FANCL: variants seen among roughly 807,000 people sequenced by gnomAD.
FANCL encodes E3 ubiquitin-protein ligase FANCL.
FANCL carries 69 observed loss-of-function variants against 59.4 expected under a neutral mutation model. The ratio of observed to expected loss-of-function variants is 1.16; its 90% CI spans 0.96 to 1.42. The LOEUF is 1.42. Ranked by LOEUF, FANCL falls within the 40% of genes most tolerant of loss-of-function variation. The pLI is 0.00. For synonymous variants in FANCL, 180 were observed against 147.1 expected (o/e 1.22, Z -1.62); for missense variants, 519 against 447.2 (o/e 1.16, Z -1.45).
intron 7 of FANCL, among the ~76,000 whole-genome samples, chr2:58,176,074 G>A (rs1486450210): frequency 1.3e-5 from 2 of 151,720 alleles, no homozygotes; most frequent in African/African-American, 4.8e-5. Context: ...ACTTACAAGG[G>A]ATGTGAAGGA....
chr2:58,218,426 C>T (rs1012964081), intron 5 of FANCL, among the ~76,000 whole-genome samples: 5 of 151,486 alleles, frequency 3.3e-5, no homozygotes, highest in Admixed American at 1.3e-4. Context: ...TAAAAAGGCA[C>T]AAAAAACTCA....
intron 7 of FANCL, among the ~76,000 whole-genome samples, chr2:58,176,969 A>C (rs1259574309): frequency 2.0e-5 from 3 of 152,198 alleles, no homozygotes; most frequent in Admixed American, 6.5e-5. Flanking sequence ...AAGTGGGCAA[A>C]GGACATGAAC....
chr2:58,197,706 A>T (rs1449573778), intron 7 of FANCL, among the ~76,000 whole-genome samples: 1 of 152,234 alleles, frequency 6.6e-6, no homozygotes, highest in Non-Finnish European at 1.5e-5. Context: ...CAAAATATTG[A>T]ATGTTCTAAA....
chr2:58,202,165 T>C (rs1010567462), intron 6 of FANCL, among the ~76,000 whole-genome samples: 4 of 150,804 alleles, frequency 2.7e-5, no homozygotes, highest in Non-Finnish European at 5.9e-5. Context: ...GTTTTTGTTG[T>C]TGTAAATTAC....
chr2:58,236,503 A>C (rs1409232230), intron 1 of FANCL, among the ~76,000 whole-genome samples: 1 of 151,830 alleles, frequency 6.6e-6, no homozygotes, highest in East Asian at 1.9e-4. Context: ...ATAAACTGGC[A>C]AAGGAGATAA....
At chr2:58,167,903 T>A (rs1453728109) in intron 7 of FANCL, among the ~76,000 whole-genome samples, 1 of 152,302 alleles carries the variant, frequency 6.6e-6, no homozygotes, top group South Asian at 2.1e-4. Flanking sequence ...ATGCGATTAA[T>A]AGTTTTTTCT....
chr2:58,178,178 C>A (rs1379143109), intron 7 of FANCL, among the ~76,000 whole-genome samples: 1 of 152,146 alleles, frequency 6.6e-6, no homozygotes, highest in Non-Finnish European at 1.5e-5. Flanking sequence ...AGAGCTGGTA[C>A]CATTCCTTCT....
At chr2:58,226,921 G>A in intron 3 of FANCL, 137 bp from the exon 4 acceptor site, 1 of 728,664 alleles carries the variant, frequency 1.4e-6, no homozygotes, top group African/African-American at 1.8e-5. Context: ...AAGAAATGAA[G>A]TATCGGTCAT....
At chr2:58,163,137 TTTGA>T (rs1245314554) in intron 9 of FANCL, 63 bp from the exon 10 acceptor site, 2 of 1,380,830 alleles carry the variant, frequency 1.4e-6, no homozygotes, top group African/African-American at 2.9e-5. Flanking sequence ...TAAAGCCACA[TTTGA>T]TACAGAATGT....
chr2:58,218,339 T>C (rs990400884), intron 5 of FANCL, among the ~76,000 whole-genome samples: 1 of 151,572 alleles, frequency 6.6e-6, no homozygotes, highest in Non-Finnish European at 1.5e-5. Context: ...ACAGAGAAAA[T>C]TAACAACGCT....
chr2:58,201,630 G>A (rs975198210), intron 6 of FANCL, among the ~76,000 whole-genome samples: 5 of 151,904 alleles, frequency 3.3e-5, no homozygotes, highest in African/African-American at 1.2e-4. Flanking sequence ...GGAAGCCCTG[G>A]GCTGCTACTT....
chr2:58,217,207 TATATATATACAC>T (rs1158282946), intron 5 of FANCL, among the ~76,000 whole-genome samples: 160 of 10,596 alleles, frequency 0.015, 1 homozygote, highest in African/African-American at 0.05. Context: ...TATATATATA[TATATATATACAC>T]ACACACACAC....
intron 7 of FANCL, among the ~76,000 whole-genome samples, chr2:58,192,994 A>G (rs956188761): frequency 2.6e-5 from 4 of 152,056 alleles, no homozygotes; most frequent in African/African-American, 9.7e-5. Context: ...ACAATTAAAA[A>G]GATTGCATTA....
chr2:58,173,853 A>T (rs955126922), intron 7 of FANCL, among the ~76,000 whole-genome samples: 2 of 152,184 alleles, frequency 1.3e-5, no homozygotes, highest in Non-Finnish European at 2.9e-5. Flanking sequence ...AATTGGATAA[A>T]GAGTCAAGAC....
At chr2:58,174,155 C>T (rs892911898) in intron 7 of FANCL, among the ~76,000 whole-genome samples, 1 of 152,160 alleles carries the variant, frequency 6.6e-6, no homozygotes, top group Non-Finnish European at 1.5e-5. Flanking sequence ...GAGTGACCTA[C>T]AAAGAGACTT....
intron 3 of FANCL, among the ~76,000 whole-genome samples, chr2:58,227,303 G>C (rs543201171): frequency 3.3e-5 from 5 of 152,318 alleles, no homozygotes; most frequent in South Asian, 4.1e-4. Context: ...AGCTCAATTA[G>C]ACCCCTGCCT....
chr2:58,166,390 C>T (rs1303752448), intron 7 of FANCL, among the ~76,000 whole-genome samples: 1 of 152,120 alleles, frequency 6.6e-6, no homozygotes, highest in East Asian at 1.9e-4. Flanking sequence ...AGGTTTTACA[C>T]ATTTTTAAAG....
chr2:58,159,963 T>C (rs969643004), intron 13 of FANCL, 145 bp downstream of exon 13: 22 of 1,526,130 alleles, frequency 1.4e-5, no homozygotes, highest in Non-Finnish European at 1.9e-5. Flanking sequence ...TTTAATGTTT[T>C]TGATCAGAGA....
At position 58,241,225 on chromosome 2, in the gene FANCL, G is replaced by C. The variant is rs763615183; in HGVS notation, c.89C>G (p.Ser30Trp). ...RSKTVYEGFI[S>W]AQGRDFHLRI... ...CAACCACTGGGCGGGTACCTGAGCC[G>C]AGATGAATCCCTCATACACGGTTTT... is the stretch of plus-strand genomic sequence containing the variant. The change falls in exon 1 of 14, where the codon TCG becomes TGG. Residue 30 changes from serine to tryptophan, a missense_variant. Coordinates refer to ENST00000233741, the MANE Select transcript of FANCL (RefSeq NM_018062.4). The C allele has an allele frequency of 1.2e-6, 2 of 1,614,136 alleles. No homozygotes were observed. Among genetic ancestry groups the C allele is most frequent in the East Asian group, 2.2e-5 (1 of 44,900 alleles).
Sources: gnomAD v4.1 joint callset for allele counts (sites outside exome capture counted in the v4.1 genomes callset) on GRCh38, gnomAD v4.1.1 for gene constraint, MANE v1.5 for transcripts, NCBI Gene and HGNC (gene_info 2026-07-23, HGNC 2026-07-21) for gene names.